TNC: variants seen among roughly 807,000 people sequenced by gnomAD.
TNC encodes tenascin C.
A neutral mutation model predicts 202.4 loss-of-function variants in TNC; 109 were observed. That is an observed-to-expected ratio of 0.54 (90% CI 0.46 to 0.63). TNC has a LOEUF of 0.63. Among genes scored for constraint, TNC ranks in the 30% least tolerant of loss-of-function variants. The pLI is 0.00. For missense variants in TNC, 2,756 were observed against 2,833.3 expected (o/e 0.97, Z 0.62); for synonymous variants, 1,007 against 1,089.7 (o/e 0.92, Z 1.50).
At chr9:115,107,240 A>G (rs1449940881) in intron 1 of TNC, among the ~76,000 whole-genome samples, 1 of 152,194 alleles carries the variant, frequency 6.6e-6, no homozygotes, top group Admixed American at 6.5e-5. Flanking sequence ...AAAGCTTTGC[A>G]GTTAGATGAT....
At chr9:115,050,152 T>C (rs1831537763) in intron 15 of TNC, among the ~76,000 whole-genome samples, 1 of 152,206 alleles carries the variant, frequency 6.6e-6, no homozygotes, top group African/African-American at 2.4e-5. Flanking sequence ...TCTTTGCACC[T>C]CCACACCATC....
In TNC at chr9:115,110,488, G is replaced by A. The variant is rs62580473; in HGVS notation, c.-137+7494C>T. On this transcript the variant is annotated intron_variant, in intron 1 of 27. Transcript: ENST00000350763. Reference sequence around the variant, plus strand: ...AGATGCTAAGATCTGAACTACAGGGGTAATGGAGGTGGGGCAGGGGGTGGT... The same window carrying A: ...AGATGCTAAGATCTGAACTACAGGGATAATGGAGGTGGGGCAGGGGGTGGT... Among the ~76,000 whole-genome samples the A allele has an allele frequency of 4.1e-3, 622 of 152,222 alleles. 2 individuals are homozygous for A. The highest frequency in any genetic ancestry group is 7.7e-3 in the Admixed American group (117 of 15,290).
chr9:115,096,716 GT>G (rs1278884718), intron 1 of TNC, among the ~76,000 whole-genome samples: 3 of 152,154 alleles, frequency 2.0e-5, no homozygotes, highest in Admixed American at 6.5e-5. Flanking sequence ...TACCTTACAT[GT>G]TTGAACATAT....
At chr9:115,078,819 C>T (rs1442744334) in intron 6 of TNC, among the ~76,000 whole-genome samples, 5 of 152,162 alleles carry the variant, frequency 3.3e-5, no homozygotes, top group Non-Finnish European at 5.9e-5. Flanking sequence ...TGGTGTTGTA[C>T]TCTGATAGAT....
intron 13 of TNC, among the ~76,000 whole-genome samples, chr9:115,062,670 C>T (rs1832636491): frequency 6.6e-6 from 1 of 150,466 alleles, no homozygotes; most frequent in Non-Finnish European, 1.5e-5. Context: ...TATACACACA[C>T]ACACTATATA....
At chr9:115,046,184 G>A (rs76728222) in intron 17 of TNC, among the ~76,000 whole-genome samples, 2,655 of 152,304 alleles carry the variant, frequency 0.017, 127 homozygotes, top group East Asian at 0.11. Flanking sequence ...GGCTTTATAT[G>A]AATTATCTCA....
At chr9:115,106,353 A>G (rs1457077956) in intron 1 of TNC, among the ~76,000 whole-genome samples, 1 of 152,206 alleles carries the variant, frequency 6.6e-6, no homozygotes, top group East Asian at 1.9e-4. Context: ...TCTTTCTGCT[A>G]TATCAAGTTA....
rs576377894 is a variant in TNC, at chr9:115,067,425, C to T, written c.3215-2506G>A. On this transcript the variant is annotated intron_variant, in intron 10 of 27. Coordinates refer to ENST00000350763, the MANE Select transcript of TNC (RefSeq NM_002160.4). Reference sequence around the variant, plus strand: ...CCCTTCGTGTGAATTAAGTTACTGTCTTTTTTCTACGGGTGTCTATCTTTT... The same window carrying T: ...CCCTTCGTGTGAATTAAGTTACTGTTTTTTTTCTACGGGTGTCTATCTTTT... 8.5e-5 allele frequency among the ~76,000 whole-genome samples: 13 copies of T among 152,258 alleles called. No individual in the cohort carries two copies. In the South Asian group the frequency reaches 2.1e-3, roughly 24 times the overall value.
At chr9:115,023,849 G>T in intron 27 of TNC, 124 bp downstream of exon 27, 2 of 1,147,028 alleles carry the variant, frequency 1.7e-6, no homozygotes, top group African/African-American at 1.5e-5. Flanking sequence ...GGAAAAACAT[G>T]TTGTCATACA....
chr9:115,047,220 A>G (rs1054286902), intron 16 of TNC, among the ~76,000 whole-genome samples: 2 of 150,368 alleles, frequency 1.3e-5, no homozygotes, highest in African/African-American at 2.4e-5. Flanking sequence ...TGTTTCACTA[A>G]AGAAGGCTCC....
In TNC at chr9:115,076,495, C is replaced by G; in HGVS notation, c.2755G>C (p.Ala919Pro). The change falls in exon 8 of 28, where the codon GCT (alanine) becomes CCT (proline). Residue 919 changes from alanine to proline, a missense_variant. Physicochemically the swap from Ala to Pro is conservative, Grantham distance 27. Coordinates refer to ENST00000350763, the MANE Select transcript of TNC (RefSeq NM_002160.4). Reference protein sequence around the residue: ...ITLEWRNGKAAIDSYRIKYAP... With the variant: ...ITLEWRNGKAPIDSYRIKYAP... ...TACTTAATTCTGTAACTGTCAATAG[C>G]TGCCTTGCCATTCCTCCATTCCAGG... 1 of 1,614,222 alleles carries G rather than the reference C, an allele frequency of 6.2e-7. No individual in the cohort carries two copies. Among genetic ancestry groups the G allele is most frequent in the Admixed American group, 1.7e-5 (1 of 60,028 alleles).
At chr9:115,117,127 T>A (rs1434472937) in intron 1 of TNC, among the ~76,000 whole-genome samples, 1 of 152,184 alleles carries the variant, frequency 6.6e-6, no homozygotes, top group African/African-American at 2.4e-5. Context: ...TTTCTCAGGG[T>A]CATATGTATG....
chr9:115,107,596 T>A (rs1056618585), intron 1 of TNC, among the ~76,000 whole-genome samples: 2 of 152,204 alleles, frequency 1.3e-5, no homozygotes, highest in South Asian at 4.1e-4. Flanking sequence ...TTATGCTTAT[T>A]TGAAAATTAA....
intron 10 of TNC, among the ~76,000 whole-genome samples, chr9:115,067,480 AT>A (rs1040625992): frequency 6.6e-6 from 1 of 151,892 alleles, no homozygotes; most frequent in South Asian, 2.1e-4. Context: ...TACATAAAAC[AT>A]TTTTTTCTAT....
rs189503877 is a variant in TNC at position 115,045,430 on chromosome 9, G to A, written c.5125+980C>T. On this transcript the variant is annotated intron_variant, in intron 17 of 27. Transcript: ENST00000350763. ...CGTCCAGGTGGGAATGCAGTGGCAC[G>A]AACACAGCTCACCACAGCCTTAACC... Among the ~76,000 whole-genome samples, 48 of 152,008 alleles carry A rather than the reference G, an allele frequency of 3.2e-4. No individual in the cohort carries two copies. The East Asian group carries it at 8.1e-3, about 26-fold the overall frequency.
rs1345710829 is a variant in TNC at position 115,046,418 on chromosome 9, G to C, written c.5117C>G (p.Ala1706Gly). The C allele has an allele frequency of 1.2e-6, 2 of 1,613,976 alleles. No homozygotes were observed. Among genetic ancestry groups the C allele is most frequent in the South Asian group, 2.2e-5 (2 of 91,080 alleles). ...GRRSQTVSAI[A>G]TTAMGSPKEV... is the part of the protein sequence containing the mutation. ...CTGTTTATTTACAGTACCTGTTGTTGCTATAGCACTGACTGTCTGGGATCG... is the reference window on the plus strand; with the variant it reads ...CTGTTTATTTACAGTACCTGTTGTTCCTATAGCACTGACTGTCTGGGATCG... Residue 1706 changes from alanine to glycine, a missense_variant, in exon 17 of 28, where the codon GCA becomes GGA. Physicochemically the swap from Ala to Gly is moderately conservative, Grantham distance 60 (BLOSUM62 0). Coordinates refer to ENST00000350763, the MANE Select transcript of TNC (RefSeq NM_002160.4).
rs1202828619 is a variant in TNC, at chr9:115,064,904, A to C, written c.3230T>G (p.Leu1077Arg). The C allele has an allele frequency of 2.5e-6, 4 of 1,613,900 alleles. No individual in the cohort carries two copies. In the African/African-American group the frequency reaches 5.3e-5, roughly 22 times the overall value. ...AACCTCAGTCACGGTGAGGTTTTCC[A>C]GCTCAGGGGCTTGTTCTGAATAATG... ...VKASTEQAPE[L>R]ENLTVTEVGW... The change falls in exon 11 of 28, where the codon CTG (leucine) becomes CGG (arginine). Residue 1077 changes from leucine (L) to arginine (R), a missense_variant. Coordinates refer to ENST00000350763, the MANE Select transcript of TNC (RefSeq NM_002160.4).
chr9:115,075,105 T>C (rs1005258261), intron 9 of TNC, among the ~76,000 whole-genome samples: 3 of 152,104 alleles, frequency 2.0e-5, no homozygotes, highest in Non-Finnish European at 4.4e-5. Context: ...CACACTAGCC[T>C]CCTTCTTCCT....
intron 10 of TNC, among the ~76,000 whole-genome samples, chr9:115,069,598 TCCTC>T (rs1428392259): frequency 2.6e-5 from 1 of 38,652 alleles, no homozygotes. Context: ...TTCCTTCCCT[TCCTC>T]CCTCCCTCCC....
Sources: allele counts gnomAD v4.1 joint callset (sites outside exome capture counted in the v4.1 genomes callset), GRCh38; gene constraint gnomAD v4.1.1; transcripts MANE v1.5; gene names NCBI Gene and HGNC (gene_info 2026-07-23, HGNC 2026-07-21).